Variants in TRMT2B observed in about 807,000 individuals in gnomAD.
The protein encoded by TRMT2B is tRNA methyltransferase 2B, also known as tRNA (uracil-5-)-methyltransferase homolog B.
TRMT2B carries 34 observed loss-of-function variants against 39.7 expected under a neutral mutation model. The observed-to-expected ratio is 0.86, with a 90% CI of 0.65 to 1.14. The LOEUF is 1.14. Among genes scored for constraint, TRMT2B ranks in the 50% most tolerant of loss-of-function variants. TRMT2B has a pLI of 0.00. For missense variants in TRMT2B, 318 were observed against 377.2 expected, an observed-to-expected ratio of 0.84 and a Z score of 1.30; for synonymous variants, 132 against 137.3, an observed-to-expected ratio of 0.96 and a Z score of 0.27.
intron 8 of TRMT2B, 119 bp downstream of exon 8, chrX:101,023,351 C>G (rs1328161630): frequency 1.3e-6 from 1 of 754,865 alleles, no homozygotes; most frequent in African/African-American, 2.1e-5. Flanking sequence ...CCCCAATTGA[C>G]ACAAATATTC....
In TRMT2B at chrX:101,022,069, A is replaced by G. The variant is rs2086829295; in HGVS notation, c.757-7T>C. ...TCTGAACATGGAGCTCCTCCTGCCC[A>G]GACCATAAAATTAGCAGTTAAGCAA... On this transcript the variant is annotated splice_polypyrimidine_tract_variant and splice_region_variant and intron_variant, in intron 8 of 13. Transcript: ENST00000372936. The G allele has an allele frequency of 1.7e-6, 2 of 1,193,784 alleles. No individual in the cohort carries two copies. Among genetic ancestry groups the G allele is most frequent in the East Asian group, 3.0e-5 (1 of 33,805 alleles).
intron 7 of TRMT2B, among the ~76,000 whole-genome samples, chrX:101,026,504 T>A (rs922511089): frequency 6.6e-5 from 7 of 105,374 alleles, no homozygotes; most frequent in Admixed American, 3.1e-4. Flanking sequence ...GTCATATAGG[T>A]TCTGGAAGGA....
rs1226688020 is a variant in TRMT2B, at chrX:101,037,131, A to G, written c.439-58T>C. 19 of 908,522 alleles carry G rather than the reference A, an allele frequency of 2.1e-5. No homozygotes were observed. The East Asian group carries it at 5.9e-4, about 28-fold the overall frequency. The allele number at this position is 908,522 out of a possible 1,213,427, so 74.9% of individuals were successfully genotyped here. On this transcript the variant is annotated intron_variant, in intron 5 of 13. Transcript: ENST00000372936. ...GAGGTCAAATGAAACCAAGGAAGAT[A>G]ACAATAAAGGGAAAGCAGGAATGTT...
At chrX:100,996,516 C>T in the TRMT2B span, among the ~76,000 whole-genome samples, 2 of 111,690 alleles carry the variant, frequency 1.8e-5, no homozygotes, top group Non-Finnish European at 3.8e-5. Flanking sequence ...CGAAACATCA[C>T]ATGAAAAAAT....
At chrX:101,051,112 C>A (rs1349853154) in intron 2 of TRMT2B, 139 bp downstream of exon 2, 2 of 164,915 alleles carry the variant, frequency 1.2e-5, no homozygotes, top group African/African-American at 6.5e-5. Flanking sequence ...TGTGAGCAGT[C>A]GTGCTCGACT....
chrX:101,026,188 T>C (rs888209145), intron 7 of TRMT2B, among the ~76,000 whole-genome samples: 2 of 111,264 alleles, frequency 1.8e-5, no homozygotes, highest in Non-Finnish European at 3.8e-5. Context: ...AAATATCATA[T>C]AAAGCCTGGT....
chrX:101,037,256 C>T (rs2087898339), intron 5 of TRMT2B, 183 bp from the exon 6 acceptor site: 3 of 427,521 alleles, frequency 7.0e-6, no homozygotes, highest in Non-Finnish European at 1.2e-5. Flanking sequence ...GAGTTCCAAT[C>T]TTGCCATAAA....
the TRMT2B span, among the ~76,000 whole-genome samples, chrX:100,991,201 A>G: frequency 9.0e-6 from 1 of 111,624 alleles, no homozygotes; most frequent in Non-Finnish European, 1.9e-5. Context: ...AATCTGAAAC[A>G]TTCCAATGAG....
chrX:101,035,187 G>A (rs1304321939), intron 7 of TRMT2B, among the ~76,000 whole-genome samples: 1 of 110,862 alleles, frequency 9.0e-6, no homozygotes, highest in East Asian at 2.8e-4. Context: ...ATCCAAGAAA[G>A]AAAGAAAAGA....
the TRMT2B span, among the ~76,000 whole-genome samples, chrX:100,990,080 T>C: frequency 8.9e-6 from 1 of 112,856 alleles, no homozygotes; most frequent in Non-Finnish European, 1.9e-5. Flanking sequence ...AGATAAGATG[T>C]TACTGGAAAA....
rs1321595212 is a variant in TRMT2B, at chrX:101,041,203, C to CA, written c.303+113dup. 4 of 684,871 alleles carry CA rather than the reference C, an allele frequency of 5.8e-6. No homozygotes were observed. The Admixed American group carries it at 1.2e-4, about 20-fold the overall frequency. The allele number at this position is 684,871 out of a possible 1,213,427, so 56.4% of individuals were successfully genotyped here. A position where few individuals can be genotyped will look rare whatever the true frequency, so the allele number is the denominator to read the frequency against. ...TGGGCGACAGAGCGAGACTCCATCTCAAAAAAACTTAAAATTAAAAATAAA... is the reference window on the plus strand; with the variant it reads ...TGGGCGACAGAGCGAGACTCCATCTCAAAAAAAACTTAAAATTAAAAATAAA... On this transcript the variant is annotated intron_variant, in intron 4 of 13. Transcript: ENST00000372936.
chrX:100,985,094 C>G, the TRMT2B span, among the ~76,000 whole-genome samples: 1 of 111,704 alleles, frequency 9.0e-6, no homozygotes, highest in African/African-American at 3.3e-5. Flanking sequence ...TCAAAATTGA[C>G]ATTTTAAAAA....
intron 4 of TRMT2B, among the ~76,000 whole-genome samples, chrX:101,038,412 T>C (rs1473986380): frequency 9.2e-6 from 1 of 108,191 alleles, no homozygotes; most frequent in Non-Finnish European, 1.9e-5. Flanking sequence ...AATACTTTTG[T>C]AGCTTCACCG....
At chrX:100,993,170 G>A in the TRMT2B span, among the ~76,000 whole-genome samples, 1 of 112,000 alleles carries the variant, frequency 8.9e-6, no homozygotes, top group East Asian at 2.8e-4. Flanking sequence ...AGGAACTTGA[G>A]GTGCAGAGAG....
At chrX:101,023,424 T>C in intron 8 of TRMT2B, 46 bp downstream of exon 8, 1 of 1,176,444 alleles carries the variant, frequency 8.5e-7, no homozygotes, top group Non-Finnish European at 1.2e-6. Flanking sequence ...CAGTTATAGT[T>C]AGTAGTAGTA....
the TRMT2B span, among the ~76,000 whole-genome samples, chrX:101,001,433 G>A: frequency 8.2e-5 from 9 of 109,764 alleles, no homozygotes; most frequent in African/African-American, 1.3e-4. Flanking sequence ...TGGAGGTCTC[G>A]CTATGTTGAC....
At chrX:100,981,551 C>T in the TRMT2B span, among the ~76,000 whole-genome samples, 2 of 108,641 alleles carry the variant, frequency 1.8e-5, no homozygotes, top group Non-Finnish European at 3.8e-5. Context: ...TGCCTGCAAT[C>T]CCAGCACTTT....
At chrX:101,008,145 G>A (rs185974134), downstream of TRMT2B, among the ~76,000 whole-genome samples, 1 of 111,480 alleles carries the variant, frequency 9.0e-6, no homozygotes, top group African/African-American at 3.2e-5. Context: ...GAAGAATCTA[G>A]AAGATATCCA....
At chrX:101,032,606 T>A (rs763298965) in intron 7 of TRMT2B, among the ~76,000 whole-genome samples, 1 of 101,725 alleles carries the variant, frequency 9.8e-6, no homozygotes, top group Non-Finnish European at 2.0e-5. Flanking sequence ...AATAAATAAA[T>A]AAAATAAAAT....
Sources: gnomAD v4.1 joint callset for allele counts (sites outside exome capture counted in the v4.1 genomes callset) on GRCh38, gnomAD v4.1.1 for gene constraint, MANE v1.5 for transcripts, NCBI Gene and HGNC (gene_info 2026-07-23, HGNC 2026-07-21) for gene names.